The following ATXN1 variants were observed in gnomAD, a reference collection of about 807,000 sequenced individuals.
The protein encoded by ATXN1 is ataxin-1.
ATXN1 carries 8 observed loss-of-function variants against 56.4 expected under a neutral mutation model. The observed-to-expected ratio is 0.14, with a 90% CI of 0.08 to 0.26. The LOEUF (loss-of-function observed/expected upper bound fraction) is 0.26, where lower values mean the gene tolerates loss of function less well. ATXN1 is among the 10% of genes least tolerant of loss of function. ATXN1 has a pLI of 1.00. For synonymous variants in ATXN1, 514 were observed against 494.6 expected, an observed-to-expected ratio of 1.04 and a Z score of -0.52; for missense variants, 987 against 1,106.5, an observed-to-expected ratio of 0.89 and a Z score of 1.53.
intron 6 of ATXN1, among the ~76,000 whole-genome samples, chr6:16,332,452 G>A (rs1160250388): frequency 3.2e-4 from 48 of 152,218 alleles, no homozygotes; most frequent in Admixed American, 3.1e-3. Context: ...TGGGATTTCT[G>A]CTCTTAGAGT....
At chr6:16,439,712 T>C (rs2113595469) in intron 6 of ATXN1, among the ~76,000 whole-genome samples, 1 of 152,308 alleles carries the variant, frequency 6.6e-6, no homozygotes, top group South Asian at 2.1e-4. Flanking sequence ...ACTTTTCATT[T>C]TGAAGTATTT....
chr6:16,570,428 T>C (rs1581851765), intron 4 of ATXN1, among the ~76,000 whole-genome samples: 1 of 152,150 alleles, frequency 6.6e-6, no homozygotes, highest in East Asian at 1.9e-4. Flanking sequence ...CAGAATTTTT[T>C]TATTGGTCAT....
chr6:16,464,551 C>T (rs940308237), intron 6 of ATXN1, among the ~76,000 whole-genome samples: 2 of 152,168 alleles, frequency 1.3e-5, no homozygotes, highest in Non-Finnish European at 2.9e-5. Flanking sequence ...GTAACACTCA[C>T]CATGAAGGTC....
chr6:16,436,633 T>C (rs1478228311), intron 6 of ATXN1, among the ~76,000 whole-genome samples: 1 of 150,984 alleles, frequency 6.6e-6, no homozygotes, highest in East Asian at 1.9e-4. Context: ...GGTCCTGGGG[T>C]GGGCTCCTGT....
intron 6 of ATXN1, among the ~76,000 whole-genome samples, chr6:16,430,633 TA>T: frequency 6.6e-6 from 1 of 152,256 alleles, no homozygotes; most frequent in Non-Finnish European, 1.5e-5. Context: ...ACTGACTGTG[TA>T]AGGGAGAGGA....
chr6:16,612,659 C>T (rs115031085), intron 3 of ATXN1, among the ~76,000 whole-genome samples: 2 of 151,882 alleles, frequency 1.3e-5, no homozygotes, highest in African/African-American at 2.4e-5. Flanking sequence ...TTTGGGAGGT[C>T]GGGCAGGCAG....
intron 2 of ATXN1, among the ~76,000 whole-genome samples, chr6:16,716,897 T>C (rs764453749): frequency 1.1e-4 from 16 of 152,194 alleles, no homozygotes; most frequent in Non-Finnish European, 1.9e-4. Flanking sequence ...GATATGAAGA[T>C]ACAGTTCACG....
rs905857504 is a variant in ATXN1 at position 16,402,681 on chromosome 6, T to C, written c.-160-74211A>G. Among the ~76,000 whole-genome samples the C allele has an allele frequency of 3.3e-5, 5 of 152,264 alleles. No individual in the cohort carries two copies. In the East Asian group the frequency reaches 9.7e-4, roughly 29 times the overall value. On this transcript the variant is annotated intron_variant, in intron 6 of 7. Coordinates refer to ENST00000436367, the MANE Select transcript of ATXN1 (RefSeq NM_001128164.2). Reference sequence around the variant, plus strand: ...TTTACATGGGCCCAGACCACTCCTGTTCTCATTTATTCAACTTCCAGCCCT... The same window carrying C: ...TTTACATGGGCCCAGACCACTCCTGCTCTCATTTATTCAACTTCCAGCCCT...
At chr6:16,544,786 C>T (rs1210528061) in intron 4 of ATXN1, among the ~76,000 whole-genome samples, 1 of 152,090 alleles carries the variant, frequency 6.6e-6, no homozygotes, top group Admixed American at 6.5e-5. Flanking sequence ...AAAGTATTAC[C>T]ATTATTTTTA....
chr6:16,326,536 T>C lies in ATXN1; in HGVS notation c.1775A>G (p.Asp592Gly). 6.2e-7 allele frequency: 1 copy of C among 1,614,164 alleles called. No homozygotes were observed. ...CTGGATGAAATCTTCTGTTTTTAAG[T>C]CTTCCACCTTCTTTAGCTCCCCGTT... ...LANGELKKVE[D>G]LKTEDFIQSA... Residue 592 changes from aspartate (D) to glycine (G), a missense_variant, in exon 7 of 8, where the codon GAC (aspartate) becomes GGC (glycine). This residue lies in a region of ATXN1 where 68 missense variants were observed against 118.1 expected (regional missense o/e 0.58). Transcript: ENST00000436367. This position sits in a 1 kb window ranked among gnomAD's most constrained non-coding sequence, Gnocchi z 6.6.
chr6:16,395,824 T>C (rs1301801910), intron 6 of ATXN1, among the ~76,000 whole-genome samples: 4 of 151,896 alleles, frequency 2.6e-5, no homozygotes, highest in Non-Finnish European at 5.9e-5. Flanking sequence ...GAGACCATCC[T>C]GGCCAACATG....
At chr6:16,645,796 A>C (rs1049280502) in intron 3 of ATXN1, among the ~76,000 whole-genome samples, 5 of 152,240 alleles carry the variant, frequency 3.3e-5, no homozygotes, top group East Asian at 3.8e-4. Flanking sequence ...TTTAAAAAGG[A>C]AATTGTACAA....
chr6:16,315,912 G>A lies in ATXN1; in HGVS notation c.1918-9053C>T, dbSNP rs543556031. ...GGCCTGGCTGGTTTCAAAACTCCTGGCCTCAAGTGCCCTCTTGCCTCAGCC... is the reference window on the plus strand; with the variant it reads ...GGCCTGGCTGGTTTCAAAACTCCTGACCTCAAGTGCCCTCTTGCCTCAGCC... On this transcript the variant is annotated intron_variant, in intron 7 of 7. Transcript: ENST00000436367. Among the ~76,000 whole-genome samples, 6 of 152,174 alleles carry A rather than the reference G, an allele frequency of 3.9e-5. No individual in the cohort carries two copies. The South Asian group carries it at 6.2e-4, about 16-fold the overall frequency.
chr6:16,424,859 C>A (rs1295013102), intron 6 of ATXN1, among the ~76,000 whole-genome samples: 1 of 152,204 alleles, frequency 6.6e-6, no homozygotes, highest in Non-Finnish European at 1.5e-5. Context: ...CAGCTCCAGC[C>A]TGCCTGAGCT....
intron 6 of ATXN1, among the ~76,000 whole-genome samples, chr6:16,399,487 G>A (rs972324933): frequency 2.0e-5 from 3 of 152,196 alleles, no homozygotes; most frequent in African/African-American, 7.2e-5. Flanking sequence ...CATTTCTAAA[G>A]ACAGAAATAG....
Position 16,637,643 on chromosome 6 carries a change from A to G in ATXN1, c.-489+20133T>C, listed in dbSNP as rs558855698. Reference sequence around the variant, plus strand: ...AAATCACCTTAAAATATCCATGTCGAGTTAGGAAAAAATGTTTCATAAAAT... The same window carrying G: ...AAATCACCTTAAAATATCCATGTCGGGTTAGGAAAAAATGTTTCATAAAAT... On this transcript the variant is annotated intron_variant, in intron 3 of 7. Coordinates refer to ENST00000436367, the MANE Select transcript of ATXN1 (RefSeq NM_001128164.2). 1.4e-4 allele frequency among the ~76,000 whole-genome samples: 21 copies of G among 152,340 alleles called. No individual in the cohort carries two copies. The South Asian group carries it at 4.4e-3, about 32-fold the overall frequency.
intron 2 of ATXN1, among the ~76,000 whole-genome samples, chr6:16,689,582 T>A (rs1037954179): frequency 1.4e-5 from 2 of 143,834 alleles, no homozygotes; most frequent in African/African-American, 5.1e-5. Context: ...GTCAAACTCC[T>A]GGGCTCAAGG....
intron 6 of ATXN1, among the ~76,000 whole-genome samples, chr6:16,368,325 T>C (rs1761969452): frequency 6.6e-6 from 1 of 150,650 alleles, no homozygotes; most frequent in African/African-American, 2.4e-5. Context: ...GTCTATTTCT[T>C]TGGCTTGACT....
At chr6:16,456,572 G>T (rs1339909964) in intron 6 of ATXN1, among the ~76,000 whole-genome samples, 1 of 152,184 alleles carries the variant, frequency 6.6e-6, no homozygotes, top group Non-Finnish European at 1.5e-5. Context: ...ACAAAAAGTT[G>T]GTTGGCCCTG....
Sources: gnomAD v4.1 joint callset for allele counts (sites outside exome capture counted in the v4.1 genomes callset) on GRCh38, gnomAD v4.1.1 for gene constraint, gnomAD v4.1.1 regional missense constraint, Gnocchi (gnomAD v3.1) non-coding constraint, MANE v1.5 for transcripts, NCBI Gene and HGNC (gene_info 2026-07-23, HGNC 2026-07-21) for gene names.